Variants in RANBP3 observed in about 807,000 individuals in gnomAD.
The protein encoded by RANBP3 is ran-binding protein 3.
Under a neutral mutation model 77.3 loss-of-function variants are expected in RANBP3, and 14 were observed. That is an observed-to-expected ratio of 0.18 (90% CI 0.12 to 0.28). RANBP3 has a LOEUF of 0.28. RANBP3 is among the 10% of genes least tolerant of loss of function. RANBP3 has a pLI of 1.00. For synonymous variants in RANBP3, 315 were observed against 312.4 expected (o/e 1.01, Z -0.09); for missense variants, 586 against 752.3 (o/e 0.78, Z 2.59).
intron 1 of RANBP3, among the ~76,000 whole-genome samples, chr19:5,968,156 G>C (rs1047442197): frequency 6.6e-6 from 1 of 152,220 alleles, no homozygotes; most frequent in Non-Finnish European, 1.5e-5. Flanking sequence ...CTGAAGACTC[G>C]GGAAAGTTCC....
rs746705100 is a variant in RANBP3, at chr19:5,933,417, C to A, written c.469G>T (p.Ala157Ser). The A allele has an allele frequency of 3.7e-6, 6 of 1,612,264 alleles. No homozygotes were observed. The highest frequency in any genetic ancestry group is 3.3e-5 in the South Asian group (3 of 90,862). Reference sequence around the variant, plus strand: ...CCCAGGGAGGTAGACGACCTACCTGCGCTGGGGGCTTGGCCGTGGATCAGC... The same window carrying A: ...CCCAGGGAGGTAGACGACCTACCTGAGCTGGGGGCTTGGCCGTGGATCAGC... ...PTLIHGQAPS[A>S]GLPSQKPKEQ... Residue 157 changes from alanine (A) to serine (S), a missense_variant, in exon 6 of 17, where the codon GCA becomes TCA. By Grantham distance (99) the Ala-to-Ser change is moderately conservative. Transcript: ENST00000340578.
chr19:5,971,918 C>G (rs1215315024), intron 1 of RANBP3, among the ~76,000 whole-genome samples: 1 of 152,232 alleles, frequency 6.6e-6, no homozygotes, highest in African/African-American at 2.4e-5. Context: ...CTAATCTATC[C>G]ACAGGCGCAG....
Position 5,978,089 on chromosome 19 carries a change from T to G in RANBP3, c.-7A>C, listed in dbSNP as rs774131840. ...CGTTCGCCAGGTCCGCCATTTTACTTCCTTAAGCCCTCCCACAAGGCCCCG... is the reference window on the plus strand; with the variant it reads ...CGTTCGCCAGGTCCGCCATTTTACTGCCTTAAGCCCTCCCACAAGGCCCCG... On this transcript the variant is annotated 5_prime_UTR_variant, in exon 1 of 17. Coordinates refer to ENST00000340578, the MANE Select transcript of RANBP3 (RefSeq NM_007322.3). The G allele has an allele frequency of 6.2e-7, 1 of 1,609,528 alleles. No homozygotes were observed. Among genetic ancestry groups the G allele is most frequent in the Admixed American group, 1.7e-5 (1 of 59,670 alleles).
rs1187554067 is a variant in RANBP3, at chr19:5,917,128, C to A, written c.*482G>T. ...CAGTGTCTACACTCGTACGAGCAGC[C>A]CCCCAAGCTGGGCGGGGGTCCCAGG... On this transcript the variant is annotated 3_prime_UTR_variant, in exon 17 of 17. Coordinates refer to ENST00000340578, the MANE Select transcript of RANBP3 (RefSeq NM_007322.3). 3 of 195,744 alleles carry A rather than the reference C, an allele frequency of 1.5e-5. No individual in the cohort carries two copies. In the East Asian group the frequency reaches 5.0e-4, roughly 33 times the overall value. 12.1% of individuals were successfully genotyped at this position (195,744 alleles called of 1,614,324 possible).
intron 2 of RANBP3, among the ~76,000 whole-genome samples, chr19:5,953,856 G>A (rs1311319331): frequency 1.3e-5 from 2 of 152,154 alleles, no homozygotes; most frequent in Admixed American, 6.5e-5. Flanking sequence ...CCATGGCTTC[G>A]TTTTAGGCCC....
rs756442447 is a variant in RANBP3 at position 5,921,185 on chromosome 19, G to C, written c.1330+16C>G. 2.4e-5 allele frequency: 39 copies of C among 1,604,302 alleles called. No individual in the cohort carries two copies. In the South Asian group the frequency reaches 3.1e-4, roughly 13 times the overall value. Reference sequence around the variant, plus strand: ...CCATGGGGACCCGGCCACAGCCCCCGCCGTCGGCAGCTCACCTAGTCGGGA... The same window carrying C: ...CCATGGGGACCCGGCCACAGCCCCCCCCGTCGGCAGCTCACCTAGTCGGGA... On this transcript the variant is annotated intron_variant, in intron 14 of 16. Transcript: ENST00000340578. The surrounding 1 kb of genome is among the most constrained non-coding windows in gnomAD (Gnocchi z 5.3).
chr19:5,934,806 G>A (rs989720781), intron 5 of RANBP3, among the ~76,000 whole-genome samples: 2 of 152,216 alleles, frequency 1.3e-5, no homozygotes, highest in African/African-American at 4.8e-5. Flanking sequence ...CTGCACTCCA[G>A]CCTGGGCGAC....
chr19:5,919,720 G>C (rs977008557), intron 14 of RANBP3, among the ~76,000 whole-genome samples: 1 of 152,142 alleles, frequency 6.6e-6, no homozygotes, highest in Non-Finnish European at 1.5e-5. Context: ...CCAATGTGGA[G>C]AAACCCTGTC....
At chr19:5,935,474 G>A (rs1457505814) in intron 5 of RANBP3, among the ~76,000 whole-genome samples, 1 of 152,252 alleles carries the variant, frequency 6.6e-6, no homozygotes, top group Non-Finnish European at 1.5e-5. Context: ...TGGCAATTTA[G>A]ATACATTTTT....
In RANBP3 at chr19:5,964,556, G is replaced by C. The variant is rs533119266; in HGVS notation, c.23-6583C>G. On this transcript the variant is annotated intron_variant, in intron 1 of 16. Transcript: ENST00000340578. ...ACACCTTATCTGAACATATGACACA[G>C]GGGAGGCACAGCAGGCCCTGGGAAC... Among the ~76,000 whole-genome samples the C allele has an allele frequency of 3.3e-5, 5 of 152,244 alleles. No homozygotes were observed. In the East Asian group the frequency reaches 9.7e-4, roughly 29 times the overall value.
chr19:5,918,423 A>C (rs2057773418), intron 15 of RANBP3, 73 bp downstream of exon 15: 1 of 386,296 alleles, frequency 2.6e-6, no homozygotes. Flanking sequence ...GTCCTGCCTG[A>C]TCTGTGTGCC....
chr19:5,970,915 G>C (rs1204444170), intron 1 of RANBP3, among the ~76,000 whole-genome samples: 1 of 152,206 alleles, frequency 6.6e-6, no homozygotes, highest in African/African-American at 2.4e-5. Flanking sequence ...AGCCAATCCA[G>C]GTGCTTCCAA....
intron 2 of RANBP3, among the ~76,000 whole-genome samples, chr19:5,954,608 T>C (rs1330525947): frequency 6.6e-6 from 1 of 151,842 alleles, no homozygotes; most frequent in African/African-American, 2.4e-5. Flanking sequence ...ATTTTCAGAA[T>C]AAAATGTTGA....
chr19:5,975,878 T>C (rs2058584988), intron 1 of RANBP3, among the ~76,000 whole-genome samples: 1 of 151,654 alleles, frequency 6.6e-6, no homozygotes. Context: ...GTATGCAACA[T>C]TCAAGGAAAA....
chr19:5,960,614 T>C (rs529716413), intron 1 of RANBP3, among the ~76,000 whole-genome samples: 2 of 152,068 alleles, frequency 1.3e-5, no homozygotes, highest in African/African-American at 4.8e-5. Flanking sequence ...AGGAGGACAT[T>C]AGTGAAAATG....
chr19:5,948,452 CAA>C (rs113674051), intron 3 of RANBP3, among the ~76,000 whole-genome samples: 50 of 108,552 alleles, frequency 4.6e-4, no homozygotes, highest in Admixed American at 6.8e-4. Flanking sequence ...GACTCCATGT[CAA>C]AAAAAAAAAA....
rs1378877194 is a variant in RANBP3 at position 5,923,537 on chromosome 19, C to A, written c.1100-234G>T. 3.9e-5 allele frequency among the ~76,000 whole-genome samples: 6 copies of A among 152,166 alleles called. No individual in the cohort carries two copies. The East Asian group carries it at 1.2e-3, about 29-fold the overall frequency. On this transcript the variant is annotated intron_variant, in intron 12 of 16. Coordinates refer to ENST00000340578, the MANE Select transcript of RANBP3 (RefSeq NM_007322.3). ...GTGGCCCCAGACTCTCGTGTTCGTG[C>A]CGAGCAGTCGACGGGGGGACAGTGA...
At chr19:5,966,128 T>C (rs1366374691) in intron 1 of RANBP3, among the ~76,000 whole-genome samples, 1 of 152,208 alleles carries the variant, frequency 6.6e-6, no homozygotes, top group African/African-American at 2.4e-5. Context: ...TCTGTGCAGG[T>C]AGGCCTCAGA....
intron 8 of RANBP3, among the ~76,000 whole-genome samples, 175 bp downstream of exon 8, chr19:5,931,229 C>T (rs1209650018): frequency 6.6e-6 from 1 of 152,198 alleles, no homozygotes; most frequent in Non-Finnish European, 1.5e-5. Flanking sequence ...TCTGGTTTGT[C>T]AGGTACTGTT....
Sources: gnomAD v4.1 joint callset for allele counts (sites outside exome capture counted in the v4.1 genomes callset) on GRCh38, gnomAD v4.1.1 for gene constraint, Gnocchi (gnomAD v3.1) non-coding constraint, MANE v1.5 for transcripts, NCBI Gene and HGNC (gene_info 2026-07-23, HGNC 2026-07-21) for gene names.